SUMF1: variants seen among roughly 807,000 people sequenced by gnomAD.
SUMF1 encodes the protein sulfatase modifying factor 1.
SUMF1 carries 48 observed loss-of-function variants against 47.6 expected under a neutral mutation model. The observed-to-expected ratio is 1.01, with a 90% CI of 0.80 to 1.28. The LOEUF (loss-of-function observed/expected upper bound fraction) is 1.28, where lower values mean the gene tolerates loss of function less well. SUMF1 is among the 50% of genes most tolerant of loss of function. The pLI, the probability that SUMF1 is intolerant of heterozygous loss-of-function variation, is 0.00. For synonymous variants in SUMF1, 230 were observed against 192.1 expected (o/e 1.20, Z -1.63); for missense variants, 571 against 485.4 (o/e 1.18, Z -1.66).
intron 7 of SUMF1, among the ~76,000 whole-genome samples, chr3:4,399,023 C>T (rs1404968208): frequency 6.6e-6 from 1 of 152,118 alleles, no homozygotes; most frequent in East Asian, 1.9e-4. Flanking sequence ...AGCTCCACAC[C>T]ATAAAAAATG....
intron 8 of SUMF1, among the ~76,000 whole-genome samples, chr3:4,351,976 G>A (rs939712988): frequency 1.3e-5 from 2 of 152,150 alleles, no homozygotes; most frequent in Non-Finnish European, 2.9e-5. Context: ...CACAAATCTA[G>A]TAAGTGGTAG....
At chr3:4,310,884 C>G (rs1323381108) in intron 8 of SUMF1, among the ~76,000 whole-genome samples, 2 of 152,070 alleles carry the variant, frequency 1.3e-5, no homozygotes, top group African/African-American at 4.8e-5. Context: ...ACAAAGAGAT[C>G]TTCATTTTAC....
At chr3:4,116,015 C>T (rs1199096791) in intron 8 of SUMF1, among the ~76,000 whole-genome samples, 3 of 152,006 alleles carry the variant, frequency 2.0e-5, no homozygotes, top group Non-Finnish European at 4.4e-5. Context: ...TTTTTCATGA[C>T]CCCGTAATTT....
rs1262772562 is a variant in SUMF1, at chr3:4,243,947, T to C, written c.1014+132383A>G. On this transcript the variant is annotated intron_variant and NMD_transcript_variant, in intron 8 of 12. Coordinates refer to the SUMF1 transcript ENST00000448413. ...CTTTATGAATCGGGGTGCTCCTGTA[T>C]TGGGTGCATATATATTTAGGATAGT... Among the ~76,000 whole-genome samples the C allele has an allele frequency of 2.6e-5, 4 of 152,316 alleles. No individual in the cohort carries two copies. In the East Asian group the frequency reaches 5.8e-4, roughly 22 times the overall value.
intron 8 of SUMF1, among the ~76,000 whole-genome samples, chr3:4,244,586 C>T (rs1696618118): frequency 6.6e-6 from 1 of 152,188 alleles, no homozygotes; most frequent in Non-Finnish European, 1.5e-5. Flanking sequence ...TACTGGCCCC[C>T]ACTCTCTTCT....
intron 3 of SUMF1, among the ~76,000 whole-genome samples, chr3:4,425,881 G>A (rs776140356): frequency 1.3e-5 from 2 of 152,212 alleles, no homozygotes; most frequent in Non-Finnish European, 2.9e-5. Context: ...GCCTTACATG[G>A]CAGCAGGCAA....
intron 2 of SUMF1, 63 bp from the exon 3 acceptor site, chr3:4,449,403 CTT>C: frequency 6.8e-7 from 1 of 1,480,580 alleles, no homozygotes; most frequent in Non-Finnish European, 9.4e-7. Flanking sequence ...CATGTGTGCC[CTT>C]TTCTCTCCAC....
chr3:4,350,350 TG>T (rs1699472194), intron 8 of SUMF1, among the ~76,000 whole-genome samples: 1 of 61,490 alleles, frequency 1.6e-5, no homozygotes, highest in Non-Finnish European at 3.8e-5. Flanking sequence ...TGTGTGTGTG[TG>T]TGTATAATTG....
At chr3:4,436,687 C>G (rs754120275) in intron 3 of SUMF1, among the ~76,000 whole-genome samples, 5 of 150,246 alleles carry the variant, frequency 3.3e-5, no homozygotes, top group African/African-American at 1.2e-4. Flanking sequence ...AATTGCAAAA[C>G]TATTAACTGT....
intron 8 of SUMF1, among the ~76,000 whole-genome samples, chr3:4,249,012 T>A (rs1017868098): frequency 6.6e-6 from 1 of 152,174 alleles, no homozygotes; most frequent in African/African-American, 2.4e-5. Flanking sequence ...CGTCCCCTTC[T>A]CCTTCACTTC....
intron 8 of SUMF1, among the ~76,000 whole-genome samples, chr3:4,093,578 A>C (rs1692836278): frequency 6.6e-6 from 1 of 152,136 alleles, no homozygotes; most frequent in African/African-American, 2.4e-5. Context: ...AGTTTTCTAG[A>C]TAGAATATTA....
intron 9 of SUMF1, among the ~76,000 whole-genome samples, chr3:4,060,702 G>A (rs1695263624): frequency 1.3e-5 from 2 of 152,132 alleles, no homozygotes; most frequent in African/African-American, 4.8e-5. Flanking sequence ...CAACTTTCAA[G>A]AAAATTCTGT....
chr3:4,419,315 G>C (rs1307986761), intron 4 of SUMF1, among the ~76,000 whole-genome samples: 1 of 152,124 alleles, frequency 6.6e-6, no homozygotes, highest in African/African-American at 2.4e-5. Context: ...ATTTGTCAAG[G>C]GGCTATATCC....
At chr3:4,276,506 T>A (rs1343516388) in intron 8 of SUMF1, among the ~76,000 whole-genome samples, 1 of 152,200 alleles carries the variant, frequency 6.6e-6, no homozygotes, top group Admixed American at 6.5e-5. Flanking sequence ...AAATCATTTG[T>A]ACCACCAGCT....
chr3:4,360,276 T>G (rs946133562), downstream of SUMF1, among the ~76,000 whole-genome samples: 1 of 149,402 alleles, frequency 6.7e-6, no homozygotes, highest in African/African-American at 2.5e-5. Context: ...ATTTGATATC[T>G]ACAAAATGAA....
intron 8 of SUMF1, among the ~76,000 whole-genome samples, chr3:4,121,912 T>C (rs1693553984): frequency 6.6e-6 from 1 of 152,166 alleles, no homozygotes; most frequent in Non-Finnish European, 1.5e-5. Flanking sequence ...TTCCCTTCTA[T>C]GTGTCCATGT....
intron 8 of SUMF1, among the ~76,000 whole-genome samples, chr3:4,147,179 G>A (rs1694215325): frequency 6.6e-6 from 1 of 152,128 alleles, no homozygotes. Context: ...GTGCTGGAGA[G>A]GATGTGGGGA....
intron 6 of SUMF1, among the ~76,000 whole-genome samples, chr3:4,411,282 G>C (rs953345182): frequency 1.3e-5 from 2 of 152,124 alleles, no homozygotes; most frequent in African/African-American, 4.8e-5. Context: ...CAAACATTGG[G>C]TGAGTAGGGA....
In SUMF1 at chr3:4,235,626, A is replaced by T. The variant is rs907451450; in HGVS notation, c.1014+140704T>A. Reference sequence around the variant, plus strand: ...TTTAAGAGATATATCATAAAACCAAATGTATTACCTCTATGTACTTACAAG... The same window carrying T: ...TTTAAGAGATATATCATAAAACCAATTGTATTACCTCTATGTACTTACAAG... On this transcript the variant is annotated intron_variant and NMD_transcript_variant, in intron 8 of 12. Transcript: ENST00000448413. Among the ~76,000 whole-genome samples the T allele has an allele frequency of 3.9e-5, 6 of 152,238 alleles. No individual in the cohort carries two copies. In the East Asian group the frequency reaches 5.8e-4, roughly 15 times the overall value.
Sources: gnomAD v4.1 joint callset for allele counts (sites outside exome capture counted in the v4.1 genomes callset) on GRCh38, gnomAD v4.1.1 for gene constraint, MANE v1.5 for transcripts, NCBI Gene and HGNC (gene_info 2026-07-23, HGNC 2026-07-21) for gene names.